The following PDE4D variants were observed in gnomAD, a reference collection of about 807,000 sequenced individuals.
PDE4D encodes 3',5'-cyclic-AMP phosphodiesterase 4D.
Under a neutral mutation model 87.4 loss-of-function variants are expected in PDE4D, and 24 were observed. The observed-to-expected ratio is 0.27, with a 90% CI of 0.20 to 0.39. The LOEUF (loss-of-function observed/expected upper bound fraction) is 0.39, where lower values mean the gene tolerates loss of function less well. PDE4D is among the 10% of genes least tolerant of loss of function. The probability of loss-of-function intolerance (pLI) is 1.00; values close to 1 mark genes in which losing one functional copy is unlikely to be tolerated. For missense variants in PDE4D, 714 were observed against 1,041.0 expected, an observed-to-expected ratio of 0.69 and a Z score of 4.32; for synonymous variants, 384 against 383.2, an observed-to-expected ratio of 1.00 and a Z score of -0.02.
At chr5:59,561,154 G>A (rs1013471620) in intron 1 of PDE4D, among the ~76,000 whole-genome samples, 4 of 152,112 alleles carry the variant, frequency 2.6e-5, no homozygotes, top group African/African-American at 9.7e-5. Context: ...GTGACTTCTG[G>A]AATCTCTAAC....
At chr5:60,263,318 C>T (rs12658881) in intron 1 of PDE4D, among the ~76,000 whole-genome samples, 30,414 of 152,172 alleles carry the variant, frequency 0.2, 4,205 homozygotes, top group East Asian at 0.66. Context: ...TCTTTCTGCA[C>T]CTCTTTTTCT....
At chr5:59,001,474 T>C (rs948983246) in intron 6 of PDE4D, among the ~76,000 whole-genome samples, 1 of 152,196 alleles carries the variant, frequency 6.6e-6, no homozygotes, top group African/African-American at 2.4e-5. Flanking sequence ...TTGTATTCAT[T>C]TCCATCACTC....
In PDE4D at chr5:60,214,118, C is replaced by T. The variant is rs11745887; in HGVS notation, c.-89-28431G>A. ...CTCCTTGAGAGAGATGCTAAGATCA[C>T]AAATAAAATGTTTTCTCTTTGAGAA... On this transcript the variant is annotated intron_variant, in intron 1 of 16. Coordinates refer to the PDE4D transcript ENST00000502484. Among the ~76,000 whole-genome samples, 5 of 152,100 alleles carry T rather than the reference C, an allele frequency of 3.3e-5. No homozygotes were observed. In the East Asian group the frequency reaches 9.6e-4, roughly 29 times the overall value.
intron 2 of PDE4D, among the ~76,000 whole-genome samples, chr5:60,099,599 T>A (rs1776026464): frequency 6.6e-6 from 1 of 151,612 alleles, no homozygotes; most frequent in African/African-American, 2.4e-5. Context: ...GGAAATACGG[T>A]TTACCGAGAA....
At chr5:59,581,000 G>A (rs1369549115) in intron 1 of PDE4D, among the ~76,000 whole-genome samples, 1 of 152,024 alleles carries the variant, frequency 6.6e-6, no homozygotes, top group Admixed American at 6.6e-5. Flanking sequence ...ATAATCCCTA[G>A]TTGTAATATA....
upstream of PDE4D, chr5:60,490,092 C>T (rs1204179787): frequency 6.6e-6 from 1 of 152,206 alleles, no homozygotes; most frequent in Non-Finnish European, 1.5e-5. Flanking sequence ...AACTGAGTTA[C>T]AGACTGTCCC....
At chr5:60,228,288 AAGG>A (rs776945533) in intron 1 of PDE4D, among the ~76,000 whole-genome samples, 2 of 152,118 alleles carry the variant, frequency 1.3e-5, no homozygotes, top group Admixed American at 6.6e-5. Flanking sequence ...TCTGCAAATC[AAGG>A]TCATGTCTGC....
In PDE4D at chr5:59,039,321, C is replaced by T. The variant is rs7720361; in HGVS notation, c.809-350G>A. ...CGGGCCCGAGTCCCAGTCCAGGAGC[C>T]CGGCTCTAGCGGATGGCGAGGGGGT... On this transcript the variant is annotated intron_variant, in intron 5 of 14. Coordinates refer to ENST00000340635, the MANE Select transcript of PDE4D (RefSeq NM_001104631.2). 6.9e-3 allele frequency: 7,216 copies of T among 1,040,632 alleles called. 399 individuals carry two copies. In the African/African-American group the frequency reaches 0.11, roughly 16 times the overall value. 64.5% of individuals were successfully genotyped at this position (1,040,632 alleles called of 1,614,324 possible).
rs1393028062 is a variant in PDE4D, at chr5:59,637,568, T to TAA, written c.455+255598_455+255599dup. ...TACACCATGGAATACTTTGCAGACA[T>TAA]AAAAAAAAAAAAATGAGTTCATGTC... On this transcript the variant is annotated intron_variant, in intron 1 of 14. Transcript: ENST00000340635. 1.2e-4 allele frequency among the ~76,000 whole-genome samples: 17 copies of TAA among 141,396 alleles called. 1 individual carries two copies. The highest frequency in any genetic ancestry group is 2.6e-4 in the Non-Finnish European group (17 of 64,276). The allele number at this position is 141,396 out of a possible 152,430, so 92.8% of individuals were successfully genotyped here.
chr5:59,440,763 C>A (rs957604963), intron 1 of PDE4D, among the ~76,000 whole-genome samples: 1 of 151,734 alleles, frequency 6.6e-6, no homozygotes, highest in African/African-American at 2.4e-5. Flanking sequence ...GCAACAAATG[C>A]GAAACTCCAT....
At chr5:60,388,186 G>A (rs1583599476) in intron 1 of PDE4D, among the ~76,000 whole-genome samples, 2 of 152,204 alleles carry the variant, frequency 1.3e-5, no homozygotes, top group Non-Finnish European at 2.9e-5. Flanking sequence ...ATCCTCTTGG[G>A]TTGTTATGGA....
chr5:60,378,029 TA>T (rs952994401), intron 1 of PDE4D, among the ~76,000 whole-genome samples: 4 of 152,212 alleles, frequency 2.6e-5, no homozygotes, highest in African/African-American at 9.6e-5. Flanking sequence ...AGTGCTAGAA[TA>T]GAACTATATT....
intron 1 of PDE4D, among the ~76,000 whole-genome samples, chr5:60,262,008 C>T (rs1749694616): frequency 6.6e-6 from 1 of 152,070 alleles, no homozygotes; most frequent in African/African-American, 2.4e-5. Context: ...GAACTTACCC[C>T]CAAGTCTTTC....
intron 2 of PDE4D, among the ~76,000 whole-genome samples, chr5:60,182,829 G>A (rs530300963): frequency 8.4e-4 from 128 of 151,752 alleles, no homozygotes; most frequent in African/African-American, 2.8e-3. Context: ...GCAGTGAGCC[G>A]AGATCGCGCC....
chr5:59,821,814 G>A (rs952762064), intron 1 of PDE4D, among the ~76,000 whole-genome samples: 3 of 152,152 alleles, frequency 2.0e-5, no homozygotes, highest in African/African-American at 7.2e-5. Context: ...ATTTCAATAT[G>A]ATGTTATTGA....
intron 5 of PDE4D, among the ~76,000 whole-genome samples, chr5:59,129,992 T>A (rs1279932324): frequency 6.6e-6 from 1 of 152,110 alleles, no homozygotes; most frequent in Non-Finnish European, 1.5e-5. Flanking sequence ...TTTTAAAAAA[T>A]AAATGGGGAA....
chr5:60,369,638 C>G (rs1348951490), intron 1 of PDE4D, among the ~76,000 whole-genome samples: 1 of 152,118 alleles, frequency 6.6e-6, no homozygotes, highest in Non-Finnish European at 1.5e-5. Context: ...ATAGGGACTT[C>G]CTTACCTTGC....
chr5:59,573,196 A>T lies in PDE4D; in HGVS notation c.455+319972T>A, dbSNP rs189066431. 5.3e-5 allele frequency among the ~76,000 whole-genome samples: 8 copies of T among 152,272 alleles called. No homozygotes were observed. The East Asian group carries it at 1.4e-3, about 26-fold the overall frequency. On this transcript the variant is annotated intron_variant, in intron 1 of 14. Coordinates refer to ENST00000340635, the MANE Select transcript of PDE4D (RefSeq NM_001104631.2). Reference sequence around the variant, plus strand: ...TCTGCCTCCCTTGAGATCTAAACAAAATTGATTTGAACTTCCTAATTTCAT... The same window carrying T: ...TCTGCCTCCCTTGAGATCTAAACAATATTGATTTGAACTTCCTAATTTCAT...
chr5:59,269,638 T>C (rs1211459165), intron 1 of PDE4D, among the ~76,000 whole-genome samples: 1 of 152,036 alleles, frequency 6.6e-6, no homozygotes, highest in East Asian at 1.9e-4. Flanking sequence ...AATCCTAAAG[T>C]CTTTAGAGGT....
Sources: allele counts gnomAD v4.1 joint callset (sites outside exome capture counted in the v4.1 genomes callset), GRCh38; gene constraint gnomAD v4.1.1; transcripts MANE v1.5; gene names NCBI Gene and HGNC (gene_info 2026-07-23, HGNC 2026-07-21).